HYI: variants seen among roughly 807,000 people sequenced by gnomAD.
HYI encodes the protein hydroxypyruvate isomerase (putative).
A neutral mutation model predicts 39.7 loss-of-function variants in HYI; 47 were observed. That is an observed-to-expected ratio of 1.18 (90% CI 0.94 to 1.51). The LOEUF (loss-of-function observed/expected upper bound fraction) is 1.51. HYI is among the 40% of genes most tolerant of loss of function. The pLI is 0.00. For missense variants in HYI, 465 were observed against 370.3 expected (o/e 1.26, Z -2.10); for synonymous variants, 186 against 158.8 (o/e 1.17, Z -1.29).
rs991431228 is a variant in HYI at position 43,451,764 on chromosome 1, C to T, written c.555+34G>A. On this transcript the variant is annotated intron_variant, in intron 5 of 7. Coordinates refer to ENST00000372430, the MANE Select transcript of HYI (RefSeq NM_001190880.3). ...TCCGAGACCCCGCAGGCCCCGCCCTCCTTCCGATCTGCGAAGTACCCCCTT... is the reference window on the plus strand; with the variant it reads ...TCCGAGACCCCGCAGGCCCCGCCCTTCTTCCGATCTGCGAAGTACCCCCTT... The T allele has an allele frequency of 3.7e-6, 6 of 1,613,826 alleles. No individual in the cohort carries two copies. The African/African-American group carries it at 5.3e-5, about 14-fold the overall frequency.
chr1:43,452,882 C>G, intron 2 of HYI: 1 of 1,583,570 alleles, frequency 6.3e-7, no homozygotes, highest in Non-Finnish European at 8.6e-7. Context: ...CCAGGCCTCC[C>G]CATCCCAACA....
intron 2 of HYI, 74 bp downstream of exon 2, chr1:43,453,312 C>G (rs1309910432): frequency 1.3e-5 from 12 of 950,760 alleles, no homozygotes; most frequent in Non-Finnish European, 1.7e-5. Context: ...CGTCTCAGAT[C>G]TGGCGTCCTC....
chr1:43,453,801 G>A lies in HYI; in HGVS notation c.-8C>T, dbSNP rs749723502. 1.6e-5 allele frequency: 20 copies of A among 1,264,008 alleles called. No individual in the cohort carries two copies. The South Asian group carries it at 5.3e-4, about 33-fold the overall frequency. 78.3% of individuals were successfully genotyped at this position (1,264,008 alleles called of 1,614,324 possible). ...GAAGCGCAGCGGCGCCATGCCTGGG[G>A]AGGCCGGGCCGGGCGGAGTCCGCGG... is the stretch of plus-strand genomic sequence containing the variant. On this transcript the variant is annotated 5_prime_UTR_variant, in exon 1 of 8. Transcript: ENST00000372430.
Position 43,452,297 on chromosome 1 carries a change from C to T in HYI, c.334G>A (p.Val112Ile), listed in dbSNP as rs766355402. Residue 112 changes from valine (V) to isoleucine (I), a missense_variant, in exon 3 of 8, where the codon GTA (valine) becomes ATA (isoleucine). Physicochemically the swap from Val to Ile is conservative, Grantham distance 29 (BLOSUM62 3). Coordinates refer to ENST00000372430, the MANE Select transcript of HYI (RefSeq NM_001190880.3). ...CPRIHLMAGR[V>I]PQGADRIAVK... is the part of the protein sequence containing the mutation. ...GCTATTCGATCAGCTCCCTGGGGTACTCGGCCAGCCATCAGGTGGATCCTG... is the reference window on the plus strand; with the variant it reads ...GCTATTCGATCAGCTCCCTGGGGTATTCGGCCAGCCATCAGGTGGATCCTG... 3.0e-5 allele frequency: 48 copies of T among 1,613,900 alleles called. No individual in the cohort carries two copies. Among genetic ancestry groups the T allele is most frequent in the Non-Finnish European group, 4.1e-5 (48 of 1,179,956 alleles).
rs762498837 is a variant in HYI at position 43,453,413 on chromosome 1, C to T, written c.284G>A (p.Arg95Gln). 3.2e-6 allele frequency: 5 copies of T among 1,558,064 alleles called. No individual in the cohort carries two copies. The South Asian group carries it at 3.5e-5, about 11-fold the overall frequency. The change falls in exon 2 of 8, where the codon CGG (arginine) becomes CAG (glutamine). Residue 95 changes from arginine to glutamine, a missense_variant. Arg to Gln is a conservative substitution (Grantham distance 43). Transcript: ENST00000372430. ...GGGACAGCCCAGGGCTTTGGCATAC[C>T]GCACGGCCTGCTCCAGTCCCTCTCG... ...AFREGLEQAVRYAKALGCPRI... is the reference protein window; with the variant it reads ...AFREGLEQAVQYAKALGCPRI...
In HYI at chr1:43,451,850, G is replaced by A. The variant is rs1384082756; in HGVS notation, c.506-3C>T. ...TACCTTCTGTAAGATGGCTGCCGCTGTAAGAGAAGCCAGGGAGGGGACCGT... is the reference window on the plus strand; with the variant it reads ...TACCTTCTGTAAGATGGCTGCCGCTATAAGAGAAGCCAGGGAGGGGACCGT... On this transcript the variant is annotated splice_polypyrimidine_tract_variant and splice_region_variant and intron_variant, in intron 4 of 7. Coordinates refer to ENST00000372430, the MANE Select transcript of HYI (RefSeq NM_001190880.3). 3.1e-6 allele frequency: 5 copies of A among 1,613,968 alleles called. 1 individual carries two copies. The East Asian group carries it at 8.9e-5, about 29-fold the overall frequency.
chr1:43,453,457 G>A lies in HYI; in HGVS notation c.240C>T (p.Pro80=). The A allele has an allele frequency of 6.4e-7, 1 of 1,563,160 alleles. No homozygotes were observed. The highest frequency in any genetic ancestry group is 1.4e-5 in the African/African-American group (1 of 73,382). Residue 80 remains proline (P), a synonymous_variant, in exon 2 of 8, where the codon CCC becomes CCT. Transcript: ENST00000372430. The stretch of plus-strand genomic sequence containing the variant: ...CCTCTCGGAAGGCCGCCTGTCTCCC[G>A]GGGACGGCCCCCAGCCCCATTTCCC... ...EKGEMGLGAV[P]GRQAAFREGL...
rs1656715502 is a variant in HYI at position 43,453,678 on chromosome 1, CA to C, written c.115del (p.Trp39GlyfsTer23). ...CGCCTCAGGCGTCTCCGCGTACGGC[CA>C]GGCCACCTCGACGGCCTCGAAGCCC... ...SSGFEAVEVAWPYAETPEALA... is the reference protein window; with the variant it reads ...SSGFEAVEVAXPYAETPEALA... On this transcript the variant is annotated frameshift_variant, in exon 1 of 8. Coordinates refer to ENST00000372430, the MANE Select transcript of HYI (RefSeq NM_001190880.3). LOFTEE classifies it high-confidence loss of function. 6.8e-7 allele frequency: 1 copy of C among 1,464,216 alleles called. No homozygotes were observed. Among genetic ancestry groups the C allele is most frequent in the South Asian group, 1.3e-5 (1 of 75,444 alleles). The allele number at this position is 1,464,216 out of a possible 1,614,324, so 90.7% of individuals were successfully genotyped here. A position where few individuals can be genotyped will look rare whatever the true frequency, so the allele number is the denominator to read the frequency against.
rs760404275 is a variant in HYI, at chr1:43,451,564, A to C, written c.626-20T>G. 2.5e-6 allele frequency: 4 copies of C among 1,613,400 alleles called. No individual in the cohort carries two copies. The highest frequency in any genetic ancestry group is 3.4e-6 in the Non-Finnish European group (4 of 1,179,544). ...CATGCCCTGGGGACAGATGTGGACA[A>C]ATGTGGGGTCCAGGCTCCTGCCAGG... On this transcript the variant is annotated intron_variant, in intron 6 of 7. Transcript: ENST00000372430.
At chr1:43,452,088 C>G in intron 3 of HYI, 75 bp from the exon 4 acceptor site, 2 of 1,524,826 alleles carry the variant, frequency 1.3e-6, no homozygotes, top group Non-Finnish European at 1.8e-6. Context: ...CTGGTCAAGG[C>G]CCTCACCTGT....
intron 3 of HYI, 22 bp downstream of exon 3, chr1:43,452,181 CGT>C (rs1557615350): frequency 1.4e-5 from 22 of 1,573,990 alleles, no homozygotes; most frequent in Non-Finnish European, 1.8e-5. Flanking sequence ...CATGTAAGTA[CGT>C]GTGTGTTTCC....
Position 43,451,003 on chromosome 1 carries a change from C to T in HYI, c.*235G>A, listed in dbSNP as rs752673347. On this transcript the variant is annotated 3_prime_UTR_variant, in exon 8 of 8. Coordinates refer to ENST00000372430, the MANE Select transcript of HYI (RefSeq NM_001190880.3). ...CGTCAAGTCCCTTTGCTCTCGGACC[C>T]TGGGTTTCTCATCCTTTAATGAGGT... 31 of 767,484 alleles carry T rather than the reference C, an allele frequency of 4.0e-5. No homozygotes were observed. Among genetic ancestry groups the T allele is most frequent in the Admixed American group, 6.8e-5 (4 of 59,008 alleles). 47.5% of individuals were successfully genotyped at this position (767,484 alleles called of 1,614,324 possible).
chr1:43,450,855 G>C, downstream of HYI: 2 of 716,596 alleles, frequency 2.8e-6, no homozygotes, highest in Non-Finnish European at 5.2e-6. The surrounding 1 kb of genome is among the most constrained non-coding windows in gnomAD (Gnocchi z 4.3). Flanking sequence ...ACCACTGTCA[G>C]CCACCTGTGT....
chr1:43,452,408 T>C (rs1246680910), intron 2 of HYI, 89 bp from the exon 3 acceptor site: 1 of 990,644 alleles, frequency 1.0e-6, no homozygotes, highest in African/African-American at 1.6e-5. Flanking sequence ...CCCTCGTCCG[T>C]CTCCCCAGGT....
Position 43,451,317 on chromosome 1 carries a change from G to T in HYI, c.761-6C>A. The T allele has an allele frequency of 6.2e-7, 1 of 1,613,668 alleles. No individual in the cohort carries two copies. Among genetic ancestry groups the T allele is most frequent in the East Asian group, 2.2e-5 (1 of 44,878 alleles). ...CAAGCCCTCTACTGTGTCTCCTGCAGGGAGAGGGAGGCCTCGGCACCTCAG... is the reference window on the plus strand; with the variant it reads ...CAAGCCCTCTACTGTGTCTCCTGCATGGAGAGGGAGGCCTCGGCACCTCAG... On this transcript the variant is annotated splice_region_variant and splice_polypyrimidine_tract_variant and intron_variant, in intron 7 of 7. Transcript: ENST00000372430.
chr1:43,450,759 C>A, downstream of HYI: 1 of 696,302 alleles, frequency 1.4e-6, no homozygotes, highest in Non-Finnish European at 2.6e-6. This position sits in a 1 kb window ranked among gnomAD's most constrained non-coding sequence, Gnocchi z 4.3. Flanking sequence ...CTCCTTTCGG[C>A]CCCCCTGGTA....
chr1:43,450,923 C>T (rs781128004), downstream of HYI: 3 of 751,016 alleles, frequency 4.0e-6, no homozygotes, highest in East Asian at 5.0e-5. This position sits in a 1 kb window ranked among gnomAD's most constrained non-coding sequence, Gnocchi z 4.3. Flanking sequence ...ACATTCCCAT[C>T]GAGATGACAC....
At position 43,452,227 on chromosome 1, in the gene HYI, T is replaced by A. The variant is rs1197633924; in HGVS notation, c.404A>T (p.His135Leu). ...CACCTGAGCCAAAACCCCAGCTGCA[T>A]GCCTCAGGTTCTCCAGAAAAACGGC... ...MEAVFLENLR[H>L]AAGVLAQEDL... Residue 135 changes from histidine (H) to leucine (L), a missense_variant, in exon 3 of 8, where the codon CAT (histidine) becomes CTT (leucine). His to Leu is a moderately conservative substitution (Grantham distance 99, BLOSUM62 -3). Transcript: ENST00000372430. 3.1e-6 allele frequency: 5 copies of A among 1,613,710 alleles called. No homozygotes were observed. In the South Asian group the frequency reaches 5.5e-5, roughly 18 times the overall value.
rs1481217219 is a variant in HYI at position 43,451,978 on chromosome 1, G to C, written c.462C>G (p.Thr154=). The change falls in exon 4 of 8, where the codon ACC becomes ACG. Residue 154 remains threonine (T), a synonymous_variant. Coordinates refer to ENST00000372430, the MANE Select transcript of HYI (RefSeq NM_001190880.3). ...DLVGLLEPIN[T]RITDPQYFLD... ...GGAAGTACTGGGGGTCAGTGATGCGGGTGTTGATGGGCTCCAGCAGTCCCA... is the reference window on the plus strand; with the variant it reads ...GGAAGTACTGGGGGTCAGTGATGCGCGTGTTGATGGGCTCCAGCAGTCCCA... 6 of 1,611,232 alleles carry C rather than the reference G, an allele frequency of 3.7e-6. No homozygotes were observed. The African/African-American group carries it at 6.7e-5, about 18-fold the overall frequency.
Sources: gnomAD v4.1 joint callset for allele counts on GRCh38, gnomAD v4.1.1 for gene constraint, Gnocchi (gnomAD v3.1) non-coding constraint, MANE v1.5 for transcripts, NCBI Gene and HGNC (gene_info 2026-07-23, HGNC 2026-07-21) for gene names.